PREX2: variants seen among roughly 807,000 people sequenced by gnomAD.
PREX2 encodes phosphatidylinositol 3,4,5-trisphosphate-dependent Rac exchanger 2 protein.
A neutral mutation model predicts 203.2 loss-of-function variants in PREX2; 107 were observed. That is an observed-to-expected ratio of 0.53 (90% CI 0.45 to 0.62). PREX2 has a LOEUF of 0.62. Among genes scored for constraint, PREX2 ranks in the 20% least tolerant of loss-of-function variants. PREX2 has a pLI of 0.00. For synonymous variants in PREX2, 672 were observed against 663.6 expected, an observed-to-expected ratio of 1.01 and a Z score of -0.19; for missense variants, 1,777 against 1,955.9, an observed-to-expected ratio of 0.91 and a Z score of 1.72.
At chr8:68,108,420 C>A in intron 24 of PREX2, 89 bp downstream of exon 24, 1 of 836,988 alleles carries the variant, frequency 1.2e-6, no homozygotes. Context: ...CAATAGATAC[C>A]TGGTGTGCAA....
chr8:68,105,105 A>T (rs763411764), intron 23 of PREX2: 2 of 1,361,740 alleles, frequency 1.5e-6, no homozygotes, highest in East Asian at 4.6e-5. Context: ...ATGAACCACC[A>T]TCAATTCAAG....
intron 35 of PREX2, among the ~76,000 whole-genome samples, chr8:68,160,170 G>C (rs929906156): frequency 9.9e-5 from 15 of 152,056 alleles, no homozygotes; most frequent in African/African-American, 3.6e-4. Context: ...TAGTCCAATG[G>C]TATGATCTCC....
intron 23 of PREX2, chr8:68,103,782 C>T: frequency 2.0e-6 from 1 of 512,672 alleles, no homozygotes; most frequent in Non-Finnish European, 3.9e-6. Flanking sequence ...TGGTTTTTGT[C>T]CTTTCTTGTG....
chr8:68,105,730 CATATATATATATATACATATATATGT>C (rs1429280677), intron 23 of PREX2: 1 of 157,732 alleles, frequency 6.3e-6, no homozygotes, highest in Non-Finnish European at 1.2e-5. Flanking sequence ...TATACACACA[CATATATATATATATACATATATATGT>C]ATATATATAT....
At chr8:68,113,159 C>T (rs1288216167) in intron 25 of PREX2, among the ~76,000 whole-genome samples, 1 of 152,142 alleles carries the variant, frequency 6.6e-6, no homozygotes, top group East Asian at 1.9e-4. Context: ...TTATGCAAAA[C>T]ATGGTGTTAA....
chr8:68,231,477 C>G lies in PREX2; in HGVS notation c.*99C>G, dbSNP rs1262173096. On this transcript the variant is annotated 3_prime_UTR_variant, in exon 40 of 40. Transcript: ENST00000288368. ...ATTCTCCACTGAAGATACATCAATGCTTTTTTTTTTTTTTTTTTCTGTAAA... is the reference window on the plus strand; with the variant it reads ...ATTCTCCACTGAAGATACATCAATGGTTTTTTTTTTTTTTTTTTCTGTAAA... 1 of 473,144 alleles carries G rather than the reference C, an allele frequency of 2.1e-6. No individual in the cohort carries two copies. Among genetic ancestry groups the G allele is most frequent in the African/African-American group, 2.3e-5 (1 of 43,522 alleles). 29.3% of individuals were successfully genotyped at this position (473,144 alleles called of 1,614,324 possible). A position where few individuals can be genotyped will look rare whatever the true frequency, so the allele number is the denominator to read the frequency against.
intron 14 of PREX2, among the ~76,000 whole-genome samples, chr8:68,076,846 T>C (rs1325882077): frequency 6.6e-6 from 1 of 152,182 alleles, no homozygotes. Context: ...GATCTGATTT[T>C]TTTTTTTGGC....
chr8:68,127,861 C>G (rs1810926263), intron 31 of PREX2, among the ~76,000 whole-genome samples: 2 of 151,972 alleles, frequency 1.3e-5, no homozygotes, highest in African/African-American at 4.8e-5. Flanking sequence ...GAAAATGACA[C>G]TAAAGGACAA....
At chr8:67,974,412 G>GTT (rs77132107) in intron 1 of PREX2, among the ~76,000 whole-genome samples, 55,575 of 151,652 alleles carry the variant, frequency 0.37, 10,409 homozygotes, top group East Asian at 0.6. Context: ...AGTGAAAATT[G>GTT]ATGAACATTC....
intron 35 of PREX2, among the ~76,000 whole-genome samples, chr8:68,172,547 C>G (rs1811901006): frequency 6.6e-6 from 1 of 152,084 alleles, no homozygotes; most frequent in South Asian, 2.1e-4. Context: ...GTGTAAAGTG[C>G]TATGCATGAG....
At chr8:68,077,496 A>G (rs779829489) in intron 15 of PREX2, 27 bp downstream of exon 15, 31 of 1,519,390 alleles carry the variant, frequency 2.0e-5, no homozygotes, top group Non-Finnish European at 2.7e-5. Flanking sequence ...CTGGGAGCTT[A>G]CAGATGTATT....
At chr8:68,227,819 A>G (rs1027674637) in intron 39 of PREX2, among the ~76,000 whole-genome samples, 13 of 152,202 alleles carry the variant, frequency 8.5e-5, no homozygotes, top group African/African-American at 3.1e-4. Flanking sequence ...AAAGCAGAGT[A>G]TCAGAGTTTA....
At chr8:68,036,055 C>CT (rs910996904) in intron 6 of PREX2, among the ~76,000 whole-genome samples, 16 of 152,108 alleles carry the variant, frequency 1.1e-4, no homozygotes, top group African/African-American at 3.6e-4. Flanking sequence ...CAATCGTACT[C>CT]TTTTTTGATC....
At chr8:67,995,927 A>C (rs1168196670) in intron 1 of PREX2, among the ~76,000 whole-genome samples, 1 of 152,124 alleles carries the variant, frequency 6.6e-6, no homozygotes, top group Non-Finnish European at 1.5e-5. Flanking sequence ...TGTGCTTGCA[A>C]TTTTACATTC....
At chr8:68,220,552 G>A (rs575632224) in intron 38 of PREX2, among the ~76,000 whole-genome samples, 8 of 152,166 alleles carry the variant, frequency 5.3e-5, no homozygotes, top group African/African-American at 1.9e-4. Flanking sequence ...AGGTTGACAT[G>A]CTCCTTGCCT....
At chr8:68,165,472 T>C (rs960154588) in intron 35 of PREX2, among the ~76,000 whole-genome samples, 3 of 152,092 alleles carry the variant, frequency 2.0e-5, no homozygotes, top group African/African-American at 7.2e-5. Context: ...GACGGGTTTT[T>C]TAGTTGAGCA....
At chr8:68,147,531 T>G (rs974743265) in intron 34 of PREX2, among the ~76,000 whole-genome samples, 9 of 152,188 alleles carry the variant, frequency 5.9e-5, no homozygotes, top group African/African-American at 9.7e-5. Context: ...CATGTGAGAC[T>G]TGCCCTTCAC....
At chr8:68,096,075 C>G (rs1810063898) in intron 21 of PREX2, among the ~76,000 whole-genome samples, 1 of 152,140 alleles carries the variant, frequency 6.6e-6, no homozygotes, top group Admixed American at 6.5e-5. Context: ...AGAAACATCT[C>G]AACTCATTGG....
intron 37 of PREX2, among the ~76,000 whole-genome samples, chr8:68,195,493 T>A (rs1585857598): frequency 6.6e-6 from 1 of 152,350 alleles, no homozygotes; most frequent in African/African-American, 2.4e-5. Context: ...CTTTAATTTT[T>A]CAGTGAAGGC....
Sources: allele counts gnomAD v4.1 joint callset (sites outside exome capture counted in the v4.1 genomes callset), GRCh38; gene constraint gnomAD v4.1.1; transcripts MANE v1.5; gene names NCBI Gene and HGNC (gene_info 2026-07-23, HGNC 2026-07-21).